The following GYPB variants were observed in gnomAD, a reference collection of about 807,000 sequenced individuals.
The protein encoded by GYPB is glycophorin-B.
A neutral mutation model predicts 15.3 loss-of-function variants in GYPB; 13 were observed. That is an observed-to-expected ratio of 0.85 (90% CI 0.55 to 1.35). GYPB has a LOEUF of 1.35. Ranked by LOEUF, GYPB falls within the 40% of genes most tolerant of loss-of-function variation. The probability of loss-of-function intolerance (pLI) is 0.00; values close to 1 mark genes in which losing one functional copy is unlikely to be tolerated. For missense variants in GYPB, 131 were observed against 108.3 expected (o/e 1.21, Z -0.93); for synonymous variants, 38 against 36.9 (o/e 1.03, Z -0.11).
chr4:144,019,064 G>T (rs1728651954), intron 1 of GYPB, among the ~76,000 whole-genome samples, 187 bp downstream of exon 1: 1 of 150,992 alleles, frequency 6.6e-6, no homozygotes, highest in Non-Finnish European at 1.5e-5. Flanking sequence ...ATAAATACTG[G>T]GCTCCCTTGT....
chr4:143,996,115 T>C lies in GYPB; in HGVS notation c.*184A>G. The C allele has an allele frequency of 7.1e-7, 1 of 1,409,570 alleles. No individual in the cohort carries two copies. The highest frequency in any genetic ancestry group is 9.4e-7 in the Non-Finnish European group (1 of 1,065,036). 87.3% of individuals were successfully genotyped at this position (1,409,570 alleles called of 1,614,324 possible). On this transcript the variant is annotated 3_prime_UTR_variant, in exon 5 of 5. Transcript: ENST00000502664. ...CTATAATACATGAAAACGGTTTGTA[T>C]TTTGTTTTATTTTTATTTAGAAGTA...
rs138970629 is a variant in GYPB, at chr4:144,008,410, G to T, written c.38-7127C>A. The T allele has an allele frequency of 4.4e-4, 199 of 455,378 alleles. 6 individuals carry two copies. The highest frequency in any genetic ancestry group is 3.6e-3 in the African/African-American group (179 of 49,540). 28.2% of individuals were successfully genotyped at this position (455,378 alleles called of 1,614,324 possible). A position where few individuals can be genotyped will look rare whatever the true frequency, so the allele number is the denominator to read the frequency against. On this transcript the variant is annotated intron_variant, in intron 1 of 4. Transcript: ENST00000502664. ...AATTCACCTTGTTTATAGCCTGAGG[G>T]TAGGAGTGTTGTACCTCTAACATAG...
chr4:144,008,663 T>C (rs915377224), intron 1 of GYPB, among the ~76,000 whole-genome samples: 1 of 151,580 alleles, frequency 6.6e-6, no homozygotes, highest in African/African-American at 2.4e-5. Flanking sequence ...TCACACACAT[T>C]AAATTTGGGC....
chr4:144,001,449 G>A (rs1440972219), intron 1 of GYPB, among the ~76,000 whole-genome samples, 166 bp from the exon 2 acceptor site: 2 of 151,416 alleles, frequency 1.3e-5, no homozygotes, highest in Admixed American at 6.6e-5. Context: ...GGTAAGTATT[G>A]TATTATTGGC....
intron 1 of GYPB, among the ~76,000 whole-genome samples, chr4:144,017,547 C>A (rs1269749373): frequency 1.3e-5 from 2 of 150,792 alleles, no homozygotes; most frequent in Non-Finnish European, 2.9e-5. Context: ...TCATCTTGCC[C>A]CAGTGACCTC....
chr4:144,014,748 C>T (rs1287303250), intron 1 of GYPB, among the ~76,000 whole-genome samples: 2 of 151,372 alleles, frequency 1.3e-5, no homozygotes, highest in Non-Finnish European at 2.9e-5. Flanking sequence ...ACCAATTGTA[C>T]ACTTTAAAAT....
rs1201113856 is a variant in GYPB, at chr4:144,007,779, T to C, written c.38-6496A>G. On this transcript the variant is annotated intron_variant, in intron 1 of 4. Coordinates refer to ENST00000502664, the MANE Select transcript of GYPB (RefSeq NM_002100.6). ...TCTAAGATGAGAGTAGTGGAACAGA[T>C]GTCTCTCTTTTTAAGCTTTAAAAAA... 4.0e-5 allele frequency among the ~76,000 whole-genome samples: 6 copies of C among 151,524 alleles called. 1 individual carries two copies. Among genetic ancestry groups the C allele is most frequent in the African/African-American group, 1.5e-4 (6 of 40,800 alleles).
At chr4:144,004,123 T>C (rs1727760631) in intron 1 of GYPB, among the ~76,000 whole-genome samples, 1 of 151,788 alleles carries the variant, frequency 6.6e-6, no homozygotes, top group Middle Eastern at 3.2e-3. Context: ...CTTATGTTCT[T>C]AGAAATACTT....
At chr4:144,000,850 A>C (rs150049784) in intron 2 of GYPB, among the ~76,000 whole-genome samples, 2 of 151,094 alleles carry the variant, frequency 1.3e-5, no homozygotes, top group Admixed American at 1.3e-4. Context: ...AGCTGAGCCC[A>C]GGTCTGAGCT....
rs1727298124 is a variant in GYPB at position 143,996,186 on chromosome 4, C to A, written c.*113G>T. The A allele has an allele frequency of 3.9e-6, 6 of 1,537,316 alleles. No homozygotes were observed. Among genetic ancestry groups the A allele is most frequent in the Non-Finnish European group, 5.3e-6 (6 of 1,138,632 alleles). On this transcript the variant is annotated 3_prime_UTR_variant, in exon 5 of 5. Coordinates refer to ENST00000502664, the MANE Select transcript of GYPB (RefSeq NM_002100.6). Reference sequence around the variant, plus strand: ...GCAGGAGAACAGGGAATTAGGATAGCCAGGGGTAGGGGCATAAGCAAAGGA... The same window carrying A: ...GCAGGAGAACAGGGAATTAGGATAGACAGGGGTAGGGGCATAAGCAAAGGA...
chr4:144,012,546 T>A (rs1234829650), intron 1 of GYPB: 1 of 151,466 alleles, frequency 6.6e-6, no homozygotes, highest in Non-Finnish European at 1.5e-5. Flanking sequence ...CACAGTTTGG[T>A]GAATCATACT....
chr4:144,014,035 A>G (rs915224286), intron 1 of GYPB, among the ~76,000 whole-genome samples: 1 of 151,640 alleles, frequency 6.6e-6, no homozygotes, highest in Admixed American at 6.6e-5. Context: ...GGAAAATGCA[A>G]GAAACCACAG....
chr4:144,005,639 C>T (rs1727875142), intron 1 of GYPB, among the ~76,000 whole-genome samples: 2 of 151,636 alleles, frequency 1.3e-5, no homozygotes, highest in South Asian at 4.1e-4. Context: ...GGAACACATC[C>T]AGTCTCTACC....
chr4:144,008,893 G>T (rs1194358563), intron 1 of GYPB, among the ~76,000 whole-genome samples: 1 of 151,340 alleles, frequency 6.6e-6, no homozygotes, highest in Non-Finnish European at 1.5e-5. Context: ...TGCTCCAGTT[G>T]GTAATATAGA....
intron 1 of GYPB, among the ~76,000 whole-genome samples, chr4:144,002,226 A>T (rs909794832): frequency 6.6e-6 from 1 of 151,462 alleles, no homozygotes; most frequent in Non-Finnish European, 1.5e-5. Context: ...TATAAAATTC[A>T]TCTACAGTCA....
At position 143,996,191 on chromosome 4, in the gene GYPB, G is replaced by A; in HGVS notation, c.*108C>T. The A allele has an allele frequency of 6.5e-7, 1 of 1,543,528 alleles. No homozygotes were observed. Among genetic ancestry groups the A allele is most frequent in the Non-Finnish European group, 8.8e-7 (1 of 1,142,538 alleles). On this transcript the variant is annotated 3_prime_UTR_variant, in exon 5 of 5. Transcript: ENST00000502664. ...AGAACAGGGAATTAGGATAGCCAGG[G>A]GTAGGGGCATAAGCAAAGGAATAGC...
At chr4:143,997,321 A>G in intron 4 of GYPB, 1 of 411,514 alleles carries the variant, frequency 2.4e-6, no homozygotes, top group Non-Finnish European at 4.5e-6. Context: ...CATTGGGAAA[A>G]TGGGGGACAG....
intron 1 of GYPB, among the ~76,000 whole-genome samples, chr4:144,014,291 A>AATT (rs1728377313): frequency 6.6e-6 from 1 of 151,736 alleles, no homozygotes; most frequent in South Asian, 2.1e-4. Flanking sequence ...CTAGTACAGG[A>AATT]ATATTTATAG....
intron 1 of GYPB, among the ~76,000 whole-genome samples, chr4:144,010,548 G>T (rs1316784932): frequency 6.6e-6 from 1 of 151,342 alleles, no homozygotes; most frequent in Non-Finnish European, 1.5e-5. Context: ...TTATTTTGTG[G>T]AATTTTATTT....
Sources: allele counts gnomAD v4.1 joint callset (sites outside exome capture counted in the v4.1 genomes callset), GRCh38; gene constraint gnomAD v4.1.1; transcripts MANE v1.5; gene names NCBI Gene and HGNC (gene_info 2026-07-23, HGNC 2026-07-21).